Variants in WDR90 observed in about 807,000 individuals in gnomAD.
The protein encoded by WDR90 is WD repeat-containing protein 90.
A neutral mutation model predicts 195.2 loss-of-function variants in WDR90; 238 were observed. That is an observed-to-expected ratio of 1.22 (90% CI 1.10 to 1.36). The LOEUF (loss-of-function observed/expected upper bound fraction) is 1.36, where lower values mean the gene tolerates loss of function less well. Ranked by LOEUF, WDR90 falls within the 40% of genes most tolerant of loss-of-function variation. WDR90 has a pLI of 0.00. For synonymous variants in WDR90, 1,265 were observed against 1,052.4 expected (o/e 1.20, Z -3.91); for missense variants, 2,734 against 2,439.5 (o/e 1.12, Z -2.54).
In WDR90 at chr16:662,816, C is replaced by G. The variant is rs780026116; in HGVS notation, c.4283C>G (p.Thr1428Arg). The change falls in exon 34 of 41, where the codon ACA (threonine) becomes AGA (arginine). Residue 1428 changes from threonine (T) to arginine (R), a missense_variant. Transcript: ENST00000293879. ...WFVSWAEGTS[T>R]RLISGHRSKV... is the part of the protein sequence containing the mutation. Reference sequence around the variant, plus strand: ...GTCAGCTGGGCCGAGGGCACCAGCACACGTCTCATCAGTGGCCACAGGAGC... The same window carrying G: ...GTCAGCTGGGCCGAGGGCACCAGCAGACGTCTCATCAGTGGCCACAGGAGC... 1.8e-5 allele frequency: 28 copies of G among 1,583,880 alleles called. No individual in the cohort carries two copies. Among genetic ancestry groups the G allele is most frequent in the Non-Finnish European group, 2.3e-5 (27 of 1,167,382 alleles).
chr16:649,925 G>T, intron 2 of WDR90, 66 bp from the exon 3 acceptor site: 1 of 1,602,704 alleles, frequency 6.2e-7, no homozygotes, highest in South Asian at 1.1e-5. Context: ...CCGCCCCCGA[G>T]GGCCCCCTCG....
chr16:664,855 AT>A (rs1347003986), intron 34 of WDR90: 2 of 152,016 alleles, frequency 1.3e-5, no homozygotes, highest in East Asian at 3.9e-4. Context: ...AATTTTTTGT[AT>A]TTTTAGTAGA....
At chr16:660,821 C>A in intron 28 of WDR90, 107 bp downstream of exon 28, 1 of 1,250,190 alleles carries the variant, frequency 8.0e-7, no homozygotes, top group Non-Finnish European at 1.1e-6. Context: ...CGCCAGCCAT[C>A]AGTGTGGGGC....
At chr16:661,194 C>T (rs919539696) in intron 29 of WDR90, 22 bp downstream of exon 29, 2 of 1,528,072 alleles carry the variant, frequency 1.3e-6, no homozygotes, top group Non-Finnish European at 1.8e-6. Context: ...CATCGCCCTC[C>T]TCCTCTCCCA....
intron 18 of WDR90, 55 bp downstream of exon 18, chr16:656,592 G>A (rs1421972212): frequency 2.5e-6 from 4 of 1,574,262 alleles, no homozygotes; most frequent in African/African-American, 2.7e-5. Context: ...CTGAAGCTGG[G>A]GTTTGTCAGC....
chr16:660,774 G>A (rs1465597543), intron 28 of WDR90, 60 bp downstream of exon 28: 38 of 1,498,410 alleles, frequency 2.5e-5, no homozygotes, highest in Non-Finnish European at 2.7e-5. Context: ...TGGTCCAGCC[G>A]TCTCCACCCC....
intron 22 of WDR90, 43 bp downstream of exon 22, chr16:658,387 G>T: frequency 6.2e-7 from 1 of 1,604,914 alleles, no homozygotes; most frequent in Non-Finnish European, 8.5e-7. Context: ...CCCTCCCTGT[G>T]CTGTCCAGGC....
chr16:655,926 G>C (rs1227549282), intron 17 of WDR90, 37 bp downstream of exon 17: 1 of 1,555,700 alleles, frequency 6.4e-7, no homozygotes, highest in Non-Finnish European at 8.7e-7. Context: ...CTCCGGGAGA[G>C]CCTCGCCTGG....
At position 666,204 on chromosome 16, in the gene WDR90, G is replaced by A; in HGVS notation, c.4610-16G>A. On this transcript the variant is annotated splice_polypyrimidine_tract_variant and intron_variant, in intron 36 of 40. Coordinates refer to ENST00000293879, the MANE Select transcript of WDR90 (RefSeq NM_145294.5). ...TCTCCGGGCTGGGGGCTCACAGGGTGACGGCATGGTCCCAGGTCAGACTGT... is the reference window on the plus strand; with the variant it reads ...TCTCCGGGCTGGGGGCTCACAGGGTAACGGCATGGTCCCAGGTCAGACTGT... The A allele has an allele frequency of 1.2e-6, 2 of 1,609,184 alleles. No homozygotes were observed. Among genetic ancestry groups the A allele is most frequent in the Non-Finnish European group, 1.7e-6 (2 of 1,177,160 alleles).
chr16:660,538 C>G (rs929261306), intron 27 of WDR90, 74 bp from the exon 28 acceptor site: 44 of 1,453,838 alleles, frequency 3.0e-5, no homozygotes, highest in Non-Finnish European at 3.9e-5. Context: ...CCCAACACAG[C>G]CTCCCATGTG....
chr16:659,516 C>G (rs548559296), intron 26 of WDR90, 140 bp downstream of exon 26: 58 of 999,068 alleles, frequency 5.8e-5, no homozygotes, highest in Middle Eastern at 3.2e-4. Flanking sequence ...ACAGTGGGGT[C>G]GGGGTGGGGG....
At chr16:650,931 G>A (rs1002052164) in intron 5 of WDR90, 64 bp from the exon 6 acceptor site, 27 of 1,576,442 alleles carry the variant, frequency 1.7e-5, no homozygotes, top group African/African-American at 6.7e-5. Flanking sequence ...GTGCCTTGGC[G>A]GGTGCCCTGT....
chr16:661,093 A>C lies in WDR90; in HGVS notation c.3434A>C (p.Asp1145Ala). The C allele has an allele frequency of 6.7e-7, 1 of 1,486,226 alleles. No homozygotes were observed. The highest frequency in any genetic ancestry group is 8.8e-7 in the Non-Finnish European group (1 of 1,131,284). The allele number at this position is 1,486,226 out of a possible 1,614,324, so 92.1% of individuals were successfully genotyped here. The stretch of plus-strand genomic sequence containing the variant: ...TGCGGCCGCCTGGTGGTGGTGGAGG[A>C]CCTGCACTCTGGCGCCCAGCAGCAC... ...YTCGRLVVVE[D>A]LHSGAQQHWS... The change falls in exon 29 of 41, where the codon GAC (aspartate) becomes GCC (alanine). Residue 1145 changes from aspartate to alanine, a missense_variant. By Grantham distance (126) the Asp-to-Ala change is moderately radical. Coordinates refer to ENST00000293879, the MANE Select transcript of WDR90 (RefSeq NM_145294.5).
chr16:650,806 G>T, intron 5 of WDR90, 97 bp downstream of exon 5: 5 of 1,522,088 alleles, frequency 3.3e-6, no homozygotes, highest in Middle Eastern at 1.7e-4. Context: ...TACAGTGCTC[G>T]AGCTGTGCTG....
rs1200732156 is a variant in WDR90, at chr16:659,245, G to A, written c.3053G>A (p.Gly1018Asp). 1.2e-6 allele frequency: 2 copies of A among 1,611,500 alleles called. No individual in the cohort carries two copies. Among genetic ancestry groups the A allele is most frequent in the Non-Finnish European group, 1.7e-6 (2 of 1,179,554 alleles). ...FPGAPPACKT[G>D]PGAGPLEDAA... Reference sequence around the variant, plus strand: ...CATCACAGGGCTGCTTCTTCCCCAGGCCCGGGCGCAGGACCGCTGGAGGAC... The same window carrying A: ...CATCACAGGGCTGCTTCTTCCCCAGACCCGGGCGCAGGACCGCTGGAGGAC... The change falls in exon 26 of 41, where the codon GGC (glycine) becomes GAC (aspartate). Residue 1018 changes from glycine (G) to aspartate (D), a missense_variant and splice_region_variant. Physicochemically the swap from Gly to Asp is moderately conservative, Grantham distance 94. Transcript: ENST00000293879.
At position 650,646 on chromosome 16, in the gene WDR90, A is replaced by G. The variant is rs775428371; in HGVS notation, c.496A>G (p.Ile166Val). The change falls in exon 5 of 41, where the codon ATC becomes GTC. Residue 166 changes from isoleucine (I) to valine (V), a missense_variant. Transcript: ENST00000293879. ...CCGGTGCTACGGCCATCTCAAGAGC[A>G]TCAGGCTGTGCGCCAGCCTGCTGGT... is the stretch of plus-strand genomic sequence containing the variant. Reference protein sequence around the residue: ...LNRCYGHLKSIRLCASLLVRN... With the variant: ...LNRCYGHLKSVRLCASLLVRN... The G allele has an allele frequency of 8.1e-6, 13 of 1,612,756 alleles. No homozygotes were observed. The highest frequency in any genetic ancestry group is 1.1e-5 in the Non-Finnish European group (13 of 1,179,914).
chr16:659,404 G>C lies in WDR90; in HGVS notation c.3184+28G>C, dbSNP rs779540195. On this transcript the variant is annotated intron_variant, in intron 26 of 40. Coordinates refer to ENST00000293879, the MANE Select transcript of WDR90 (RefSeq NM_145294.5). ...GAGCAGCAGGGGTCCTGGAGGAGTG[G>C]GGGGATTCGGGGGTCTGAGAGGGCA... 7 of 1,580,770 alleles carry C rather than the reference G, an allele frequency of 4.4e-6. No homozygotes were observed. In the East Asian group the frequency reaches 1.6e-4, roughly 36 times the overall value.
rs2037683814 is a variant in WDR90 at position 653,392 on chromosome 16, A to G, written c.1174A>G (p.Ile392Val). 6 of 1,605,484 alleles carry G rather than the reference A, an allele frequency of 3.7e-6. No individual in the cohort carries two copies. The highest frequency in any genetic ancestry group is 1.3e-5 in the African/African-American group (1 of 74,458). ...AAVVYPCHAVIVVLLVDTGEQ... is the reference protein window; with the variant it reads ...AAVVYPCHAVVVVLLVDTGEQ... ...TGTCGTGTACCCCTGCCATGCGGTC[A>G]TCGTCGTCCTGCTCGTGGACACGGG... Residue 392 changes from isoleucine to valine, a missense_variant, in exon 11 of 41, where the codon ATC becomes GTC. Ile to Val is a conservative substitution (Grantham distance 29). Transcript: ENST00000293879.
intron 26 of WDR90, among the ~76,000 whole-genome samples, chr16:659,781 C>G (rs970203506): frequency 6.6e-6 from 1 of 152,204 alleles, no homozygotes; most frequent in East Asian, 1.9e-4. Flanking sequence ...CCTGCCTCCC[C>G]GTTCCCCCGG....
Sources: allele counts gnomAD v4.1 joint callset (sites outside exome capture counted in the v4.1 genomes callset), GRCh38; gene constraint gnomAD v4.1.1; transcripts MANE v1.5; gene names NCBI Gene and HGNC (gene_info 2026-07-23, HGNC 2026-07-21).